RALGPS2: variants seen among roughly 807,000 people sequenced by gnomAD.
RALGPS2 encodes the protein Ral GEF with PH domain and SH3 binding motif 2.
In RALGPS2, 43 loss-of-function variants were observed where a neutral mutation model predicts 86.8. That is an observed-to-expected ratio of 0.50 (90% CI 0.39 to 0.64). The LOEUF (loss-of-function observed/expected upper bound fraction) is 0.64, where lower values mean the gene tolerates loss of function less well. RALGPS2 is among the 30% of genes least tolerant of loss of function. The pLI is 0.00. For missense variants in RALGPS2, 536 were observed against 694.6 expected, an observed-to-expected ratio of 0.77 and a Z score of 2.57; for synonymous variants, 243 against 231.3, an observed-to-expected ratio of 1.05 and a Z score of -0.46.
intron 1 of RALGPS2, among the ~76,000 whole-genome samples, chr1:178,775,270 C>A (rs1419645384): frequency 6.6e-6 from 1 of 152,112 alleles, no homozygotes; most frequent in African/African-American, 2.4e-5. Context: ...TGGGTTTACA[C>A]AGAGGTAATG....
intron 1 of RALGPS2, among the ~76,000 whole-genome samples, chr1:178,761,509 CT>C (rs1251914141): frequency 1.1e-4 from 17 of 151,556 alleles, no homozygotes; most frequent in African/African-American, 3.9e-4. Context: ...CTCTGAAATT[CT>C]TTCTTCTGTT....
chr1:178,896,531 A>C (rs1214215046), intron 16 of RALGPS2, among the ~76,000 whole-genome samples: 1 of 147,448 alleles, frequency 6.8e-6, no homozygotes, highest in Non-Finnish European at 1.5e-5. Context: ...GGTTAGTTAC[A>C]TATGTATACA....
intron 10 of RALGPS2, among the ~76,000 whole-genome samples, chr1:178,880,151 G>A (rs1329357787): frequency 1.7e-4 from 26 of 152,060 alleles, no homozygotes; most frequent in Admixed American, 1.7e-3. Context: ...TTATCGAAGT[G>A]AAAGACTAGA....
chr1:178,891,082 A>G (rs1280589231), intron 14 of RALGPS2, among the ~76,000 whole-genome samples: 4 of 152,220 alleles, frequency 2.6e-5, no homozygotes, highest in African/African-American at 7.2e-5. Flanking sequence ...GGTGTGTTAA[A>G]TAATCTGTTC....
intron 7 of RALGPS2, among the ~76,000 whole-genome samples, chr1:178,827,550 A>G (rs531882660): frequency 6.6e-6 from 1 of 151,354 alleles, no homozygotes; most frequent in South Asian, 2.1e-4. Context: ...GCCCGCCACT[A>G]CGCCCGGCTA....
At chr1:178,855,209 CATT>C (rs778680493) in intron 8 of RALGPS2, among the ~76,000 whole-genome samples, 32 of 151,588 alleles carry the variant, frequency 2.1e-4, no homozygotes, top group Non-Finnish European at 3.5e-4. Flanking sequence ...GAATTAATCT[CATT>C]AGGTAGTTAC....
chr1:178,783,338 GA>G (rs917264960), intron 2 of RALGPS2, among the ~76,000 whole-genome samples: 8 of 148,054 alleles, frequency 5.4e-5, no homozygotes, highest in Non-Finnish European at 9.0e-5. Flanking sequence ...AAAATAGAAT[GA>G]AAAAAAAAAT....
At chr1:178,897,286 A>G (rs1041981928) in intron 16 of RALGPS2, among the ~76,000 whole-genome samples, 3 of 152,086 alleles carry the variant, frequency 2.0e-5, no homozygotes, top group South Asian at 4.1e-4. Context: ...GTCAGGAAAC[A>G]ACAGGTGCTG....
intron 6 of RALGPS2, among the ~76,000 whole-genome samples, chr1:178,812,863 T>C (rs1211432391): frequency 1.3e-5 from 2 of 152,114 alleles, no homozygotes; most frequent in African/African-American, 4.8e-5. Context: ...TTCTACAAAT[T>C]TGATATTTTG....
At chr1:178,800,813 C>T (rs1467754142) in intron 4 of RALGPS2, among the ~76,000 whole-genome samples, 4 of 152,068 alleles carry the variant, frequency 2.6e-5, no homozygotes, top group South Asian at 4.1e-4. Context: ...GACTTAATTT[C>T]CCCAACTTTG....
chr1:178,759,818 TCCTA>T (rs1425775660), intron 1 of RALGPS2, among the ~76,000 whole-genome samples: 1 of 152,110 alleles, frequency 6.6e-6, no homozygotes, highest in African/African-American at 2.4e-5. Flanking sequence ...TTAAGTTACT[TCCTA>T]TGTATTTAAT....
intron 1 of RALGPS2, among the ~76,000 whole-genome samples, chr1:178,751,087 A>G (rs944476341): frequency 5.3e-5 from 8 of 151,936 alleles, no homozygotes; most frequent in Non-Finnish European, 1.0e-4. Context: ...TGAGCTGGCT[A>G]GAGTCTTTGT....
intron 1 of RALGPS2, among the ~76,000 whole-genome samples, chr1:178,756,989 TG>T (rs981735772): frequency 1.1e-4 from 17 of 152,164 alleles, no homozygotes; most frequent in Non-Finnish European, 2.9e-5. Context: ...TTGTAGTTTT[TG>T]TAGAGATCTT....
At chr1:178,785,483 T>C in intron 3 of RALGPS2, 74 bp from the exon 4 acceptor site, 2 of 1,445,988 alleles carry the variant, frequency 1.4e-6, no homozygotes, top group South Asian at 1.5e-5. Flanking sequence ...GTATAGAATA[T>C]AATTTTAATT....
chr1:178,909,557 A>C lies in RALGPS2; in HGVS notation c.1722+2690A>C, dbSNP rs547879951. The stretch of plus-strand genomic sequence containing the variant: ...ACATTTAACAGTATTGATTCTTCCA[A>C]TCCATGAGCATGGAATGCTTTTCCA... On this transcript the variant is annotated intron_variant, in intron 19 of 19. Transcript: ENST00000367635. Among the ~76,000 whole-genome samples, 11 of 151,664 alleles carry C rather than the reference A, an allele frequency of 7.3e-5. No homozygotes were observed. The East Asian group carries it at 2.1e-3, about 29-fold the overall frequency.
At chr1:178,849,278 C>A (rs1201186167) in intron 8 of RALGPS2, among the ~76,000 whole-genome samples, 1 of 152,170 alleles carries the variant, frequency 6.6e-6, no homozygotes, top group Non-Finnish European at 1.5e-5. Flanking sequence ...AATACCGCTT[C>A]TTATTCTCTC....
intron 1 of RALGPS2, among the ~76,000 whole-genome samples, chr1:178,737,878 A>G (rs1426853641): frequency 2.0e-5 from 3 of 151,970 alleles, no homozygotes; most frequent in Non-Finnish European, 4.4e-5. Flanking sequence ...CCCAGACTTA[A>G]GTGATCCTCC....
rs1198101353 is a variant in RALGPS2 at position 178,919,707 on chromosome 1, G to A, written c.*3348G>A. ...ATACTAATTGAAAATCAATAGTAAT[G>A]GGTTCCATCCATTAGCTTTTTAAAT... On this transcript the variant is annotated 3_prime_UTR_variant, in exon 20 of 20. Transcript: ENST00000367635. The A allele has an allele frequency of 1.3e-5, 2 of 151,950 alleles. No individual in the cohort carries two copies. The highest frequency in any genetic ancestry group is 2.4e-5 in the African/African-American group (1 of 41,414). The allele number at this position is 151,950 out of a possible 1,614,324, so 9.4% of individuals were successfully genotyped here.
rs144050051 is a variant in RALGPS2, at chr1:178,781,748, G to T, written c.58-2670G>T. Among the ~76,000 whole-genome samples the T allele has an allele frequency of 2.2e-3, 339 of 152,270 alleles. 1 individual carries two copies. Among genetic ancestry groups the T allele is most frequent in the South Asian group, 3.9e-3 (19 of 4,822 alleles). On this transcript the variant is annotated intron_variant, in intron 2 of 19. Transcript: ENST00000367635. ...TGTGTTCACCTGACAGAATGCATCT[G>T]GTTATTTGGACAGCTATTGGATTAG...
Sources: gnomAD v4.1 joint callset for allele counts (sites outside exome capture counted in the v4.1 genomes callset) on GRCh38, gnomAD v4.1.1 for gene constraint, MANE v1.5 for transcripts, NCBI Gene and HGNC (gene_info 2026-07-23, HGNC 2026-07-21) for gene names.